ILDR2: variants seen among roughly 807,000 people sequenced by gnomAD.
ILDR2 encodes the protein immunoglobulin like domain containing receptor 2, also known as immunoglobulin-like domain-containing receptor 2.
A neutral mutation model predicts 66.8 loss-of-function variants in ILDR2; 25 were observed. The ratio of observed to expected loss-of-function variants is 0.37; its 90% confidence interval spans 0.27 to 0.52. ILDR2 has a LOEUF of 0.52. Ranked by LOEUF, ILDR2 falls within the 20% of genes least tolerant of loss-of-function variation. The pLI is 0.88. For synonymous variants in ILDR2, 367 were observed against 357.2 expected, an observed-to-expected ratio of 1.03 and a Z score of -0.31; for missense variants, 827 against 876.8, an observed-to-expected ratio of 0.94 and a Z score of 0.72.
chr1:166,924,844 C>T (rs1660179966), intron 7 of ILDR2, among the ~76,000 whole-genome samples: 4 of 152,020 alleles, frequency 2.6e-5, no homozygotes, highest in African/African-American at 4.8e-5. Context: ...GCAAGATCTT[C>T]ATCTTTATAA....
chr1:166,932,532 C>T (rs1392611618), intron 6 of ILDR2, among the ~76,000 whole-genome samples: 3 of 152,120 alleles, frequency 2.0e-5, no homozygotes, highest in East Asian at 3.9e-4. Flanking sequence ...GAGGTGGGAA[C>T]AGGGCGGAGT....
chr1:166,972,673 C>T (rs1183164422), intron 1 of ILDR2, among the ~76,000 whole-genome samples: 2 of 151,820 alleles, frequency 1.3e-5, no homozygotes, highest in Middle Eastern at 3.2e-3. Flanking sequence ...GATTAGAAAT[C>T]GCTCAGCTTG....
At position 166,920,912 on chromosome 1, in the gene ILDR2, G is replaced by A. The variant is rs369124503; in HGVS notation, c.1679C>T (p.Pro560Leu). 17 of 1,475,696 alleles carry A rather than the reference G, an allele frequency of 1.2e-5. No homozygotes were observed. In the East Asian group the frequency reaches 3.7e-4, roughly 32 times the overall value. The allele number at this position is 1,475,696 out of a possible 1,614,324, so 91.4% of individuals were successfully genotyped here. ...CCAAGCGTAGTAGGAGGCGCTGCGC[G>A]GGCCGAGCTGCGCGCTCCGCTTGGA... The part of the protein sequence containing the change: ...TPSKRSAQLG[P>L]RSASYYAWSP... The change falls in exon 9 of 10, where the codon CCG (proline) becomes CTG (leucine). Residue 560 changes from proline (P) to leucine (L), a missense_variant. Around this residue, in one of 2 missense-constraint regions of ILDR2, gnomAD observed 390 missense variants for 353.6 expected, o/e 1.10. Transcript: ENST00000271417.
chr1:166,959,492 T>A (rs1662484931), intron 1 of ILDR2, among the ~76,000 whole-genome samples: 1 of 152,158 alleles, frequency 6.6e-6, no homozygotes, highest in East Asian at 1.9e-4. Flanking sequence ...AAAAGGAAAA[T>A]AAGTCTTTGA....
At chr1:166,903,259 G>A (rs1029527632), downstream of ILDR2, among the ~76,000 whole-genome samples, 4 of 152,204 alleles carry the variant, frequency 2.6e-5, no homozygotes, top group Non-Finnish European at 5.9e-5. Context: ...AAAATGCAGT[G>A]GCTTAAATAA....
At chr1:166,956,215 C>G (rs975786670) in intron 3 of ILDR2, among the ~76,000 whole-genome samples, 8 of 152,344 alleles carry the variant, frequency 5.3e-5, no homozygotes. Flanking sequence ...ACTAGTACAT[C>G]TCCCAAGCAG....
At chr1:166,943,882 G>A in intron 3 of ILDR2, 1 of 979,012 alleles carries the variant, frequency 1.0e-6, no homozygotes, top group Non-Finnish European at 1.2e-6. Context: ...CAAATAGAAG[G>A]CCACATTTAC....
intron 4 of ILDR2, among the ~76,000 whole-genome samples, chr1:166,939,309 T>A (rs973041578): frequency 6.6e-6 from 1 of 152,226 alleles, no homozygotes; most frequent in Non-Finnish European, 1.5e-5. Context: ...AGCCTATTTT[T>A]AATTATCATT....
chr1:166,898,805 A>T (rs1336074600), intron 2 of ILDR2, among the ~76,000 whole-genome samples: 1 of 152,124 alleles, frequency 6.6e-6, no homozygotes, highest in African/African-American at 2.4e-5. Flanking sequence ...GACACCTGTA[A>T]TCTCAGCACT....
chr1:166,913,284 T>C lies in ILDR2; in HGVS notation c.*6071A>G, dbSNP rs1659513370. ...TGTCTGACACAGAAAAAAAAAGTCA[T>C]GGACAACAGTAATACAAACATTTCA... On this transcript the variant is annotated 3_prime_UTR_variant, in exon 10 of 10. Transcript: ENST00000271417. 6.6e-6 allele frequency: 1 copy of C among 152,154 alleles called. No homozygotes were observed. The highest frequency in any genetic ancestry group is 1.5e-5 in the Non-Finnish European group (1 of 68,022). The allele number at this position is 152,154 out of a possible 1,614,324, so 9.4% of individuals were successfully genotyped here.
At chr1:166,922,064 T>C (rs1477802935) in intron 8 of ILDR2, among the ~76,000 whole-genome samples, 2 of 152,112 alleles carry the variant, frequency 1.3e-5, no homozygotes, top group African/African-American at 2.4e-5. Flanking sequence ...TTTAGAGTTA[T>C]GAGAATTAAA....
chr1:166,964,147 A>AT (rs1008325849), intron 1 of ILDR2, among the ~76,000 whole-genome samples: 16 of 151,266 alleles, frequency 1.1e-4, no homozygotes, highest in African/African-American at 3.9e-4. Context: ...AATAAAAAAA[A>AT]AAAAAAATTT....
intron 3 of ILDR2, among the ~76,000 whole-genome samples, chr1:166,940,059 A>G (rs1466128113): frequency 6.6e-6 from 1 of 152,240 alleles, no homozygotes; most frequent in Non-Finnish European, 1.5e-5. Context: ...AGATATTTCA[A>G]TGATTAAAAT....
chr1:166,920,698 C>T lies in ILDR2; in HGVS notation c.1884+9G>A. 7 of 1,385,838 alleles carry T rather than the reference C, an allele frequency of 5.1e-6. No homozygotes were observed. The highest frequency in any genetic ancestry group is 6.6e-6 in the Non-Finnish European group (7 of 1,065,390). The allele number at this position is 1,385,838 out of a possible 1,614,324, so 85.8% of individuals were successfully genotyped here. A position where few individuals can be genotyped will look rare whatever the true frequency, so the allele number is the denominator to read the frequency against. On this transcript the variant is annotated intron_variant, in intron 9 of 9. Coordinates refer to ENST00000271417, the MANE Select transcript of ILDR2 (RefSeq NM_199351.3). ...CCCCTCGGAGGAGGGGAGGCAGACG[C>T]AGTCTCACGGTTTTCTTGGCGGGCT...
chr1:166,904,333 C>T (rs763738420), downstream of ILDR2, among the ~76,000 whole-genome samples: 176 of 152,312 alleles, frequency 1.2e-3, no homozygotes, highest in Admixed American at 2.2e-3. Context: ...TGAACCTGCC[C>T]CCTGCCAGTG....
chr1:166,919,825 C>G (rs544840649), intron 9 of ILDR2, among the ~76,000 whole-genome samples: 1 of 152,098 alleles, frequency 6.6e-6, no homozygotes, highest in Non-Finnish European at 1.5e-5. Flanking sequence ...ATTCCTTCTC[C>G]CCATACTAAA....
chr1:166,950,919 C>T (rs1464127086), intron 3 of ILDR2, among the ~76,000 whole-genome samples: 1 of 152,200 alleles, frequency 6.6e-6, no homozygotes, highest in Non-Finnish European at 1.5e-5. Context: ...GAGCGCCTTA[C>T]TCACAAGGAC....
rs535388259 is a variant in ILDR2 at position 166,965,570 on chromosome 1, G to GTTTTTTTT, written c.47-7477_47-7470dup. Among the ~76,000 whole-genome samples, 39 of 127,392 alleles carry GTTTTTTTT rather than the reference G, an allele frequency of 3.1e-4. 2 individuals are homozygous for GTTTTTTTT. Among genetic ancestry groups the GTTTTTTTT allele is most frequent in the African/African-American group, 7.3e-4 (23 of 31,524 alleles). The allele number at this position is 127,392 out of a possible 152,430, so 83.6% of individuals were successfully genotyped here. A position where few individuals can be genotyped will look rare whatever the true frequency, so the allele number is the denominator to read the frequency against. On this transcript the variant is annotated intron_variant, in intron 1 of 9. Coordinates refer to ENST00000271417, the MANE Select transcript of ILDR2 (RefSeq NM_199351.3). The stretch of plus-strand genomic sequence containing the variant: ...TTTGCCTGCCTTCAAGTTAGGTTTT[G>GTTTTTTTT]TTTTTTTTTTTGTTTTTTTTTTGAC...
In ILDR2 at chr1:166,921,458, T is replaced by C; in HGVS notation, c.1212-79A>G. On this transcript the variant is annotated intron_variant, in intron 8 of 9. Coordinates refer to ENST00000271417, the MANE Select transcript of ILDR2 (RefSeq NM_199351.3). The surrounding 1 kb of genome is among the most constrained non-coding windows in gnomAD (Gnocchi z 5.3). ...GTAGGGCTCCCAAGAGCACCCATCGTGTCCTGGGGCCACGCTCAGGAGACC... is the reference window on the plus strand; with the variant it reads ...GTAGGGCTCCCAAGAGCACCCATCGCGTCCTGGGGCCACGCTCAGGAGACC... 1 of 1,244,570 alleles carries C rather than the reference T, an allele frequency of 8.0e-7. No homozygotes were observed. Among genetic ancestry groups the C allele is most frequent in the Non-Finnish European group, 1.1e-6 (1 of 913,584 alleles). The allele number at this position is 1,244,570 out of a possible 1,614,324, so 77.1% of individuals were successfully genotyped here.
Sources: allele counts gnomAD v4.1 joint callset (sites outside exome capture counted in the v4.1 genomes callset), GRCh38; gene constraint gnomAD v4.1.1; regional missense constraint gnomAD v4.1.1; non-coding constraint Gnocchi (gnomAD v3.1); transcripts MANE v1.5; gene names NCBI Gene and HGNC (gene_info 2026-07-23, HGNC 2026-07-21).